CNKSR2: variants seen among roughly 807,000 people sequenced by gnomAD.
The protein encoded by CNKSR2 is CNK homolog protein 2.
In CNKSR2, 14 loss-of-function variants were observed where a neutral mutation model predicts 84.4. The observed-to-expected ratio is 0.17, with a 90% CI of 0.11 to 0.26. CNKSR2 has a LOEUF of 0.26. CNKSR2 is among the 10% of genes least tolerant of loss of function. CNKSR2 has a pLI of 1.00. For missense variants in CNKSR2, 485 were observed against 771.2 expected (o/e 0.63, Z 4.40); for synonymous variants, 275 against 277.9 (o/e 0.99, Z 0.10).
intron 8 of CNKSR2, among the ~76,000 whole-genome samples, chrX:21,511,873 C>T (rs1332195712): frequency 9.0e-6 from 1 of 110,971 alleles, no homozygotes; most frequent in East Asian, 2.9e-4. Context: ...ACCCCCTCAA[C>T]CTCCACATCT....
At chrX:21,584,581 A>T (rs1346913419) in intron 13 of CNKSR2, among the ~76,000 whole-genome samples, 1 of 112,404 alleles carries the variant, frequency 8.9e-6, no homozygotes, top group Admixed American at 9.4e-5. Context: ...AATTTTGGAC[A>T]GGGAAGCTTG....
At chrX:21,382,278 A>G (rs781740987) in intron 1 of CNKSR2, among the ~76,000 whole-genome samples, 20 of 112,007 alleles carry the variant, frequency 1.8e-4, no homozygotes, top group Non-Finnish European at 3.2e-4. Flanking sequence ...GATACGAATC[A>G]TGGTTTAAAC....
intron 18 of CNKSR2, among the ~76,000 whole-genome samples, chrX:21,602,258 C>T (rs979645860): frequency 9.0e-6 from 1 of 111,385 alleles, no homozygotes; most frequent in Non-Finnish European, 1.9e-5. Context: ...ATCCTCCCAC[C>T]TCAGCCTCCT....
intron 12 of CNKSR2, among the ~76,000 whole-genome samples, chrX:21,562,887 A>C (rs756712263): frequency 9.0e-6 from 1 of 111,527 alleles, no homozygotes. Flanking sequence ...CAAATTTTAT[A>C]AGCCACACAC....
intron 17 of CNKSR2, 71 bp from the exon 18 acceptor site, chrX:21,601,211 A>C (rs2092479726): frequency 1.6e-6 from 1 of 612,970 alleles, no homozygotes; most frequent in African/African-American, 2.3e-5. Flanking sequence ...ATTTTAAAAT[A>C]AATGTTTCTA....
intron 6 of CNKSR2, chrX:21,495,806 A>C (rs1489337690): frequency 2.0e-5 from 2 of 98,504 alleles, no homozygotes; most frequent in Non-Finnish European, 4.1e-5. Flanking sequence ...AAAAAAAAAA[A>C]AAAAAAAAAA....
At chrX:21,642,308 C>A in intron 20 of CNKSR2, 1 of 750,227 alleles carries the variant, frequency 1.3e-6, no homozygotes, top group Non-Finnish European at 1.6e-6. Context: ...TAACTTTCTC[C>A]TTATTTCTTG....
At chrX:21,613,851 A>G (rs1231115509) in intron 20 of CNKSR2, among the ~76,000 whole-genome samples, 1 of 108,317 alleles carries the variant, frequency 9.2e-6, no homozygotes, top group Non-Finnish European at 1.9e-5. Context: ...AGACGGGAGA[A>G]TTGCTTGAAC....
chrX:21,532,430 C>G (rs2091894404), intron 11 of CNKSR2, among the ~76,000 whole-genome samples: 1 of 110,135 alleles, frequency 9.1e-6, no homozygotes, highest in Admixed American at 9.7e-5. Flanking sequence ...GTTAACATGA[C>G]TTATTTAAAA....
intron 20 of CNKSR2, 126 bp from the exon 21 acceptor site, chrX:21,648,705 A>G (rs2092712434): frequency 7.6e-6 from 4 of 524,314 alleles, no homozygotes; most frequent in Non-Finnish European, 8.6e-6. Flanking sequence ...TTTTTCAGAT[A>G]GTTTTGATAT....
At chrX:21,442,223 C>T (rs57525608) in intron 4 of CNKSR2, among the ~76,000 whole-genome samples, 3,193 of 108,898 alleles carry the variant, frequency 0.029, 121 homozygotes, top group African/African-American at 0.1. Flanking sequence ...CAACACTTTC[C>T]TCATCACATA....
At chrX:21,439,373 T>C (rs1050755395) in intron 3 of CNKSR2, among the ~76,000 whole-genome samples, 3 of 110,813 alleles carry the variant, frequency 2.7e-5, no homozygotes, top group Non-Finnish European at 5.7e-5. Flanking sequence ...GAAAAGGAAG[T>C]GTATAGCACT....
intron 8 of CNKSR2, among the ~76,000 whole-genome samples, chrX:21,510,820 G>C (rs1013503901): frequency 2.7e-5 from 3 of 111,724 alleles, no homozygotes; most frequent in African/African-American, 9.8e-5. Context: ...GTACATGTTG[G>C]GGATTATATA....
chrX:21,614,817 C>T (rs1225715224), intron 20 of CNKSR2, among the ~76,000 whole-genome samples: 1 of 111,113 alleles, frequency 9.0e-6, no homozygotes, highest in East Asian at 2.8e-4. Flanking sequence ...AATTTCATGG[C>T]TTACCAATGT....
rs1471351159 is a variant in CNKSR2, at chrX:21,575,240, T to C, written c.1608+11788T>C. ...ATAAAACAGTTTTGGTGAATGCTAG[T>C]CCACAAAAAATTAGTTCACTTGTAC... On this transcript the variant is annotated intron_variant, in intron 13 of 21. Transcript: ENST00000379510. Among the ~76,000 whole-genome samples the C allele has an allele frequency of 9.9e-5, 11 of 111,446 alleles. No individual in the cohort carries two copies. The South Asian group carries it at 4.2e-3, about 43-fold the overall frequency.
intron 20 of CNKSR2, among the ~76,000 whole-genome samples, chrX:21,621,925 T>C (rs1384273848): frequency 9.0e-6 from 1 of 111,630 alleles, no homozygotes; most frequent in Non-Finnish European, 1.9e-5. Context: ...ATATGTTCAT[T>C]GGAGAACTCA....
chrX:21,393,522 A>G (rs7066039), intron 1 of CNKSR2, among the ~76,000 whole-genome samples: 50 of 112,364 alleles, frequency 4.4e-4, no homozygotes, highest in African/African-American at 1.5e-3. Flanking sequence ...TAGGTGGGCA[A>G]TGTTTAGACT....
chrX:21,430,463 C>T (rs1356355930), intron 2 of CNKSR2, among the ~76,000 whole-genome samples: 2 of 111,292 alleles, frequency 1.8e-5, no homozygotes, highest in African/African-American at 6.5e-5. Context: ...AGGCTAATAG[C>T]TACAGAGTGA....
intron 5 of CNKSR2, among the ~76,000 whole-genome samples, chrX:21,472,731 T>G (rs2091213464): frequency 9.0e-6 from 1 of 111,654 alleles, no homozygotes; most frequent in African/African-American, 3.2e-5. Flanking sequence ...GTAAAAAATA[T>G]GAAATTTTAT....
Sources: gnomAD v4.1 joint callset for allele counts (sites outside exome capture counted in the v4.1 genomes callset) on GRCh38, gnomAD v4.1.1 for gene constraint, MANE v1.5 for transcripts, NCBI Gene and HGNC (gene_info 2026-07-23, HGNC 2026-07-21) for gene names.